The following DLGAP2 variants were observed in gnomAD, a reference collection of about 807,000 sequenced individuals.
The protein encoded by DLGAP2 is DLG associated protein 2.
A neutral mutation model predicts 100.3 loss-of-function variants in DLGAP2; 26 were observed. That is an observed-to-expected ratio of 0.26 (90% CI 0.19 to 0.36). The LOEUF (loss-of-function observed/expected upper bound fraction) is 0.36, where lower values mean the gene tolerates loss of function less well. Among genes scored for constraint, DLGAP2 ranks in the 10% least tolerant of loss-of-function variants. The pLI is 1.00. For synonymous variants in DLGAP2, 886 were observed against 630.1 expected, an observed-to-expected ratio of 1.41 and a Z score of -6.08; for missense variants, 1,858 against 1,453.2, an observed-to-expected ratio of 1.28 and a Z score of -4.53.
intron 10 of DLGAP2, among the ~76,000 whole-genome samples, chr8:1,673,313 T>C (rs1238793671): frequency 6.6e-6 from 1 of 152,180 alleles, no homozygotes; most frequent in East Asian, 1.9e-4. Flanking sequence ...GACTCTTGAG[T>C]TACCTTTCCA....
At chr8:801,188 G>A (rs1353776986) in intron 1 of DLGAP2, among the ~76,000 whole-genome samples, 1 of 152,216 alleles carries the variant, frequency 6.6e-6, no homozygotes, top group Admixed American at 6.5e-5. Flanking sequence ...TGCACCTTCC[G>A]TGGTTGACAC....
rs371134258 is a variant in DLGAP2, at chr8:1,351,059, A to G, written c.106+92176A>G. Among the ~76,000 whole-genome samples, 111 of 11,282 alleles carry G rather than the reference A, an allele frequency of 9.8e-3. 1 individual carries two copies. Among genetic ancestry groups the G allele is most frequent in the Admixed American group, 0.015 (11 of 728 alleles). 7.4% of individuals were successfully genotyped at this position (11,282 alleles called of 152,430 possible). ...CTGACTGTGTGTGGAAAGGCCGTGC[A>G]GATCCTGAGTGTGTGTGGAAACACC... On this transcript the variant is annotated intron_variant, in intron 3 of 14. Coordinates refer to ENST00000637795, the MANE Select transcript of DLGAP2 (RefSeq NM_001346810.2).
intron 3 of DLGAP2, among the ~76,000 whole-genome samples, chr8:1,303,118 T>C (rs936235598): frequency 2.0e-5 from 3 of 151,596 alleles, no homozygotes; most frequent in African/African-American, 7.3e-5. Context: ...GAGGAAGGGG[T>C]GGGGCGCGGT....
At chr8:767,528 T>C (rs568805704) in intron 1 of DLGAP2, among the ~76,000 whole-genome samples, 1 of 152,176 alleles carries the variant, frequency 6.6e-6, no homozygotes, top group Non-Finnish European at 1.5e-5. Context: ...GGCTAATTTT[T>C]GTATTTTTAG....
chr8:996,579 C>G (rs1211947258), intron 2 of DLGAP2, among the ~76,000 whole-genome samples: 1 of 152,160 alleles, frequency 6.6e-6, no homozygotes, highest in Non-Finnish European at 1.5e-5. Flanking sequence ...TCAGTTCTCT[C>G]ATGATGGAGA....
intron 2 of DLGAP2, among the ~76,000 whole-genome samples, chr8:1,116,761 A>C (rs34391762): frequency 6.6e-6 from 1 of 152,132 alleles, no homozygotes; most frequent in Admixed American, 6.6e-5. Context: ...TGATTGTGCC[A>C]CTGCACTCCA....
intron 8 of DLGAP2, among the ~76,000 whole-genome samples, chr8:1,658,132 C>T (rs542547750): frequency 1.1e-4 from 16 of 152,112 alleles, no homozygotes; most frequent in Non-Finnish European, 2.4e-4. Flanking sequence ...CCCTCCCACC[C>T]TCGTCTTTTA....
At chr8:757,039 C>G (rs1219082061) in intron 1 of DLGAP2, among the ~76,000 whole-genome samples, 1 of 152,172 alleles carries the variant, frequency 6.6e-6, no homozygotes, top group Non-Finnish European at 1.5e-5. Flanking sequence ...GTTCCCTGTT[C>G]GTGGCTCCCT....
chr8:1,387,143 G>C (rs1174926163), intron 3 of DLGAP2, among the ~76,000 whole-genome samples: 1 of 152,204 alleles, frequency 6.6e-6, no homozygotes, highest in African/African-American at 2.4e-5. Context: ...ATCATTGACA[G>C]TAAGGAGGAT....
intron 1 of DLGAP2, among the ~76,000 whole-genome samples, chr8:772,171 G>C (rs932007658): frequency 3.9e-5 from 6 of 152,222 alleles, no homozygotes; most frequent in Non-Finnish European, 8.8e-5. Context: ...AAAGTGCAGG[G>C]ATTACAGGCA....
chr8:1,012,548 G>T (rs1330839051), intron 2 of DLGAP2, among the ~76,000 whole-genome samples: 3 of 125,400 alleles, frequency 2.4e-5, no homozygotes, highest in Non-Finnish European at 4.9e-5. Flanking sequence ...CACTTCAGCG[G>T]CAGTGTAGAC....
chr8:1,281,920 G>T (rs1799821500), intron 3 of DLGAP2, among the ~76,000 whole-genome samples: 1 of 152,234 alleles, frequency 6.6e-6, no homozygotes, highest in Admixed American at 6.5e-5. Flanking sequence ...GATGGTGTCA[G>T]TTATTGCCGA....
At chr8:1,415,105 C>T (rs76313067) in intron 3 of DLGAP2, among the ~76,000 whole-genome samples, 1 of 152,232 alleles carries the variant, frequency 6.6e-6, no homozygotes, top group African/African-American at 2.4e-5. Context: ...CATACGTGTA[C>T]ACACATGTGC....
At chr8:850,010 G>C (rs906084157) in intron 1 of DLGAP2, among the ~76,000 whole-genome samples, 2 of 150,696 alleles carry the variant, frequency 1.3e-5, no homozygotes, top group Admixed American at 6.6e-5. Context: ...GTTGCAGTGA[G>C]CTGAGATTGT....
At chr8:1,419,725 A>G (rs983280257) in intron 3 of DLGAP2, among the ~76,000 whole-genome samples, 1 of 152,212 alleles carries the variant, frequency 6.6e-6, no homozygotes, top group Non-Finnish European at 1.5e-5. Context: ...AGTTCTAGCA[A>G]GGATGTGGAG....
chr8:1,201,545 C>T (rs944460899), intron 2 of DLGAP2, among the ~76,000 whole-genome samples: 2 of 152,198 alleles, frequency 1.3e-5, no homozygotes, highest in African/African-American at 2.4e-5. Flanking sequence ...ATCGCATCTC[C>T]GGACGGATAT....
chr8:1,615,312 A>C (rs1316899242), intron 6 of DLGAP2, among the ~76,000 whole-genome samples: 1 of 152,212 alleles, frequency 6.6e-6, no homozygotes, highest in African/African-American at 2.4e-5. Context: ...AAAGCTAAGG[A>C]GGATCGGCCA....
chr8:976,496 C>T (rs1407956217), intron 2 of DLGAP2, among the ~76,000 whole-genome samples: 2 of 152,124 alleles, frequency 1.3e-5, no homozygotes, highest in African/African-American at 2.4e-5. Context: ...CCTGTAGTCC[C>T]AGCTACTTGG....
At chr8:1,555,947 T>C (rs550131000) in intron 5 of DLGAP2, among the ~76,000 whole-genome samples, 2 of 152,140 alleles carry the variant, frequency 1.3e-5, no homozygotes, top group African/African-American at 4.8e-5. Context: ...GAAAAGCACA[T>C]TGGAAATCAT....
Sources: gnomAD v4.1 joint callset for allele counts (sites outside exome capture counted in the v4.1 genomes callset) on GRCh38, gnomAD v4.1.1 for gene constraint, MANE v1.5 for transcripts, NCBI Gene and HGNC (gene_info 2026-07-23, HGNC 2026-07-21) for gene names.